HTR5A: variants seen among roughly 807,000 people sequenced by gnomAD.
HTR5A encodes the protein 5-HT-5.
In HTR5A, 21 loss-of-function variants were observed where a neutral mutation model predicts 24.3. That is an observed-to-expected ratio of 0.86 (90% confidence interval 0.61 to 1.24). The LOEUF (loss-of-function observed/expected upper bound fraction) is 1.24, where lower values mean the gene tolerates loss of function less well. HTR5A is among the 50% of genes most tolerant of loss of function. The probability of loss-of-function intolerance (pLI) is 0.00; values close to 1 mark genes in which losing one functional copy is unlikely to be tolerated. For missense variants in HTR5A, 497 were observed against 489.5 expected (o/e 1.02, Z -0.15); for synonymous variants, 260 against 213.7 (o/e 1.22, Z -1.89).
chr7:155,077,455 GTTTTTTTTTTGT>G (rs1795370259), intron 1 of HTR5A, among the ~76,000 whole-genome samples: 3 of 120,626 alleles, frequency 2.5e-5, no homozygotes, highest in Admixed American at 1.0e-4. Flanking sequence ...TAACCAATAG[GTTTTTTTTTTGT>G]TTTTTTTTTT....
chr7:155,072,566 C>T (rs574321586), intron 1 of HTR5A, among the ~76,000 whole-genome samples: 1 of 152,280 alleles, frequency 6.6e-6, no homozygotes, highest in East Asian at 1.9e-4. Flanking sequence ...AGGCTGCTCC[C>T]CCTTCATTAC....
chr7:155,072,567 C>A (rs907308184), intron 1 of HTR5A, among the ~76,000 whole-genome samples: 3 of 152,134 alleles, frequency 2.0e-5, no homozygotes, highest in Non-Finnish European at 4.4e-5. Flanking sequence ...GGCTGCTCCC[C>A]CTTCATTACC....
rs1795478693 is a variant in HTR5A, at chr7:155,086,534, T to C, written c.*2047T>C. ...CTCCAGCTGAGGGTTTTATTAATGT[T>C]TTCATAAGATGGATAAGCCTCATTA... On this transcript the variant is annotated 3_prime_UTR_variant, in exon 2 of 2. Transcript: ENST00000287907. Among the ~76,000 whole-genome samples, 1 of 152,228 alleles carries C rather than the reference T, an allele frequency of 6.6e-6. No homozygotes were observed. The highest frequency in any genetic ancestry group is 6.5e-5 in the Admixed American group (1 of 15,288).
chr7:155,073,680 C>T (rs1022892773), intron 1 of HTR5A, among the ~76,000 whole-genome samples: 9 of 151,958 alleles, frequency 5.9e-5, no homozygotes, highest in Middle Eastern at 3.4e-3. Flanking sequence ...ATATAATTTA[C>T]AGTCAGCCCT....
In HTR5A at chr7:155,083,888, A is replaced by G. The variant is rs567883552; in HGVS notation, c.742-267A>G. Among the ~76,000 whole-genome samples, 9 of 152,264 alleles carry G rather than the reference A, an allele frequency of 5.9e-5. No homozygotes were observed. The South Asian group carries it at 1.9e-3, about 32-fold the overall frequency. On this transcript the variant is annotated intron_variant, in intron 1 of 1. Transcript: ENST00000287907. Reference sequence around the variant, plus strand: ...CTCGTTTCTGCCACTGCCTCTGTTGAACAGACAGCAATAGGGAGTCCATCT... The same window carrying G: ...CTCGTTTCTGCCACTGCCTCTGTTGGACAGACAGCAATAGGGAGTCCATCT...
chr7:155,078,692 C>A (rs11772359), intron 1 of HTR5A, among the ~76,000 whole-genome samples: 34,795 of 147,490 alleles, frequency 0.24, 5,086 homozygotes, highest in Middle Eastern at 0.38. Context: ...AATATATTTT[C>A]TATTTTTATA....
In HTR5A at chr7:155,084,811, C is replaced by T; in HGVS notation, c.*324C>T. 1 of 219,434 alleles carries T rather than the reference C, an allele frequency of 4.6e-6. No homozygotes were observed. The highest frequency in any genetic ancestry group is 1.1e-4 in the South Asian group (1 of 9,362). The allele number at this position is 219,434 out of a possible 1,614,324, so 13.6% of individuals were successfully genotyped here. A position where few individuals can be genotyped will look rare whatever the true frequency, so the allele number is the denominator to read the frequency against. Reference sequence around the variant, plus strand: ...CGACATTGTCTTAAAGAAGTCAAGGCAAATAAGAAGGAGGAGGTAAAACAA... The same window carrying T: ...CGACATTGTCTTAAAGAAGTCAAGGTAAATAAGAAGGAGGAGGTAAAACAA... On this transcript the variant is annotated 3_prime_UTR_variant, in exon 2 of 2. Transcript: ENST00000287907.
Position 155,070,469 on chromosome 7 carries a change from G to T in HTR5A, c.-431G>T, listed in dbSNP as rs543522270. 4.9e-6 allele frequency: 2 copies of T among 410,992 alleles called. No individual in the cohort carries two copies. The highest frequency in any genetic ancestry group is 1.5e-4 in the East Asian group (2 of 13,128). 25.5% of individuals were successfully genotyped at this position (410,992 alleles called of 1,614,324 possible). A position where few individuals can be genotyped will look rare whatever the true frequency, so the allele number is the denominator to read the frequency against. The stretch of plus-strand genomic sequence containing the variant: ...AGCCGGCTGCCTAGAGAGAAGGGTG[G>T]GCAGGGAGACAACGCGGTGAGAGCG... On this transcript the variant is annotated 5_prime_UTR_variant, in exon 1 of 2. Coordinates refer to ENST00000287907, the MANE Select transcript of HTR5A (RefSeq NM_024012.4).
intron 1 of HTR5A, among the ~76,000 whole-genome samples, chr7:155,081,311 C>T (rs942301625): frequency 1.3e-5 from 2 of 152,096 alleles, no homozygotes; most frequent in Non-Finnish European, 2.9e-5. Context: ...CATTATTAGA[C>T]AGGCAAAGCA....
At chr7:155,081,330 G>A (rs1795414869) in intron 1 of HTR5A, among the ~76,000 whole-genome samples, 1 of 152,040 alleles carries the variant, frequency 6.6e-6, no homozygotes, top group Non-Finnish European at 1.5e-5. Context: ...CAGAGTGGTT[G>A]GATGAAATAA....
In HTR5A at chr7:155,085,129, A is replaced by G. The variant is rs1469977695; in HGVS notation, c.*642A>G. ...CATACACACACACACACACACAACTATGAAAGAGGCAGGTGTTCTAGCTAG... is the reference window on the plus strand; with the variant it reads ...CATACACACACACACACACACAACTGTGAAAGAGGCAGGTGTTCTAGCTAG... On this transcript the variant is annotated 3_prime_UTR_variant, in exon 2 of 2. Transcript: ENST00000287907. 6.6e-6 allele frequency: 1 copy of G among 151,896 alleles called. No individual in the cohort carries two copies. Among genetic ancestry groups the G allele is most frequent in the African/African-American group, 2.4e-5 (1 of 41,122 alleles). The allele number at this position is 151,896 out of a possible 1,614,324, so 9.4% of individuals were successfully genotyped here. A position where few individuals can be genotyped will look rare whatever the true frequency, so the allele number is the denominator to read the frequency against.
intron 1 of HTR5A, among the ~76,000 whole-genome samples, chr7:155,073,095 C>A (rs578021565): frequency 6.6e-6 from 1 of 152,102 alleles, no homozygotes; most frequent in South Asian, 2.1e-4. Flanking sequence ...CCGAGGCGGG[C>A]AGATCACAAG....
In HTR5A at chr7:155,070,692, G is replaced by A. The variant is rs1259288044; in HGVS notation, c.-208G>A. The A allele has an allele frequency of 1.0e-5, 6 of 600,868 alleles. No individual in the cohort carries two copies. The highest frequency in any genetic ancestry group is 1.8e-5 in the Non-Finnish European group (6 of 340,282). 37.2% of individuals were successfully genotyped at this position (600,868 alleles called of 1,614,324 possible). A position where few individuals can be genotyped will look rare whatever the true frequency, so the allele number is the denominator to read the frequency against. On this transcript the variant is annotated 5_prime_UTR_variant, in exon 1 of 2. Transcript: ENST00000287907. The stretch of plus-strand genomic sequence containing the variant: ...GCCTCTGCTTCCTTAGCCTCTGAGG[G>A]CTTCAGACCTGCCGCGCTTGCAGCC...
At chr7:155,078,446 G>A (rs1795380855) in intron 1 of HTR5A, among the ~76,000 whole-genome samples, 1 of 152,132 alleles carries the variant, frequency 6.6e-6, no homozygotes, top group South Asian at 2.1e-4. Flanking sequence ...CCGAGTAGCT[G>A]GGACTGCAAG....
At chr7:155,074,447 C>G (rs1379027855) in intron 1 of HTR5A, among the ~76,000 whole-genome samples, 1 of 152,160 alleles carries the variant, frequency 6.6e-6, no homozygotes, top group Non-Finnish European at 1.5e-5. Context: ...TGGAGCCTCA[C>G]GGATTGGTGG....
intron 1 of HTR5A, among the ~76,000 whole-genome samples, chr7:155,080,957 G>T (rs936311218): frequency 5.3e-5 from 8 of 152,198 alleles, no homozygotes; most frequent in African/African-American, 1.9e-4. Flanking sequence ...GGCTGACACA[G>T]ATTAGTTGGT....
rs893695057 is a variant in HTR5A at position 155,087,003 on chromosome 7, G to A, written c.*2516G>A. ...GGTGACTGAGGTGAACCAATCCAAA[G>A]CCCTCCTTTCAGCTCTTGTAGAATA... On this transcript the variant is annotated 3_prime_UTR_variant, in exon 2 of 2. Coordinates refer to ENST00000287907, the MANE Select transcript of HTR5A (RefSeq NM_024012.4). Among the ~76,000 whole-genome samples, 5 of 152,114 alleles carry A rather than the reference G, an allele frequency of 3.3e-5. No individual in the cohort carries two copies. The highest frequency in any genetic ancestry group is 5.9e-5 in the Non-Finnish European group (4 of 68,006).
chr7:155,073,830 T>TACAC (rs60282843), intron 1 of HTR5A, among the ~76,000 whole-genome samples: 122,279 of 135,652 alleles, frequency 0.9, 56,818 homozygotes, highest in East Asian at 1. Flanking sequence ...TTTATATAGA[T>TACAC]ACACACACAC....
In HTR5A at chr7:155,071,443, G is replaced by A. The variant is rs1354942349; in HGVS notation, c.544G>A (p.Gly182Arg). ...TCTGGCCCCGCTGCTTTTTGGCTGG[G>A]GAGAGACGTACTCTGAGGGCAGCGA... The part of the protein sequence containing the change: ...ISLAPLLFGW[G>R]ETYSEGSEEC... The change falls in exon 1 of 2, where the codon GGA (glycine) becomes AGA (arginine). Residue 182 changes from glycine to arginine, a missense_variant. Physicochemically the swap from Gly to Arg is moderately radical, Grantham distance 125. Transcript: ENST00000287907. The A allele has an allele frequency of 6.2e-7, 1 of 1,614,204 alleles. No homozygotes were observed. Among genetic ancestry groups the A allele is most frequent in the East Asian group, 2.2e-5 (1 of 44,884 alleles).
Sources: gnomAD v4.1 joint callset for allele counts (sites outside exome capture counted in the v4.1 genomes callset) on GRCh38, gnomAD v4.1.1 for gene constraint, MANE v1.5 for transcripts, NCBI Gene and HGNC (gene_info 2026-07-23, HGNC 2026-07-21) for gene names.